Variants in ADCY7 observed in about 807,000 individuals in gnomAD.
ADCY7 encodes adenylate cyclase type 7.
In ADCY7, 72 loss-of-function variants were observed where a neutral mutation model predicts 120.6. The observed-to-expected ratio is 0.60, with a 90% CI of 0.49 to 0.73. The LOEUF is 0.73. Ranked by LOEUF, ADCY7 falls within the 30% of genes least tolerant of loss-of-function variation. The pLI, the probability that ADCY7 is intolerant of heterozygous loss-of-function variation, is 0.00. For missense variants in ADCY7, 1,227 were observed against 1,486.0 expected (o/e 0.83, Z 2.87); for synonymous variants, 661 against 628.0 (o/e 1.05, Z -0.78).
In ADCY7 at chr16:50,308,652, C is replaced by T. The variant is rs746637386; in HGVS notation, c.1936-15C>T. On this transcript the variant is annotated splice_polypyrimidine_tract_variant and intron_variant, in intron 16 of 25. Coordinates refer to ENST00000673801, the MANE Select transcript of ADCY7 (RefSeq NM_001114.5). ...GGCTGTTGGCTCTGGGTGACTTGAC[C>T]CTGTTACCCCACAGAGGTGCTGCCC... The T allele has an allele frequency of 1.1e-5, 17 of 1,604,220 alleles. No individual in the cohort carries two copies. Among genetic ancestry groups the T allele is most frequent in the Middle Eastern group, 1.8e-4 (1 of 5,434 alleles).
intron 1 of ADCY7, among the ~76,000 whole-genome samples, chr16:50,286,015 C>T (rs2034558372): frequency 6.6e-6 from 1 of 152,064 alleles, no homozygotes; most frequent in African/African-American, 2.4e-5. Context: ...ACAAAGGGGC[C>T]ACTGTGTCCC....
chr16:50,311,224 T>C (rs566304963), intron 19 of ADCY7, among the ~76,000 whole-genome samples: 1 of 152,260 alleles, frequency 6.6e-6, no homozygotes, highest in African/African-American at 2.4e-5. Flanking sequence ...TGGTGATACC[T>C]GAGGCTGGCA....
intron 1 of ADCY7, among the ~76,000 whole-genome samples, chr16:50,284,937 CA>C (rs1166825431): frequency 6.6e-6 from 1 of 152,156 alleles, no homozygotes; most frequent in Non-Finnish European, 1.5e-5. Context: ...GTTATTACTG[CA>C]AAGGGCTATT....
rs964437502 is a variant in ADCY7 at position 50,311,000 on chromosome 16, G to A, written c.2354+120G>A. On this transcript the variant is annotated intron_variant, in intron 19 of 25. Coordinates refer to ENST00000673801, the MANE Select transcript of ADCY7 (RefSeq NM_001114.5). The stretch of plus-strand genomic sequence containing the variant: ...GTGGGCACCTTGCAGGGCGGGGCTG[G>A]CAGATGGTGTCCAGCGCTCAGAGCC... The A allele has an allele frequency of 6.4e-5, 68 of 1,057,908 alleles. 1 individual carries two copies. Among genetic ancestry groups the A allele is most frequent in the Admixed American group, 8.0e-5 (3 of 37,676 alleles). 65.5% of individuals were successfully genotyped at this position (1,057,908 alleles called of 1,614,324 possible). A position where few individuals can be genotyped will look rare whatever the true frequency, so the allele number is the denominator to read the frequency against.
In ADCY7 at chr16:50,316,548, G is replaced by A. The variant is rs912963899; in HGVS notation, c.*1043G>A. 6 of 152,272 alleles carry A rather than the reference G, an allele frequency of 3.9e-5. No individual in the cohort carries two copies. The highest frequency in any genetic ancestry group is 6.5e-5 in the Admixed American group (1 of 15,274). The allele number at this position is 152,272 out of a possible 1,614,324, so 9.4% of individuals were successfully genotyped here. ...CCTTTAGTCTTCACAGCTAACTCTG[G>A]AGAGCTTCAAAACTAGAAGGATCTA... On this transcript the variant is annotated 3_prime_UTR_variant, in exon 26 of 26. Transcript: ENST00000673801.
rs2036634001 is a variant in ADCY7 at position 50,313,950 on chromosome 16, GC to G, written c.2752-6del. On this transcript the variant is annotated splice_polypyrimidine_tract_variant and splice_region_variant and intron_variant, in intron 22 of 25. Transcript: ENST00000673801. ...GCGGCTGCTTCACCGCTTCCTTCTTGCCTGCAGCTCCTACTGAAGCCCAAGT... is the reference window on the plus strand; with the variant it reads ...GCGGCTGCTTCACCGCTTCCTTCTTGCTGCAGCTCCTACTGAAGCCCAAGT... 4 of 1,608,412 alleles carry G rather than the reference GC, an allele frequency of 2.5e-6. No individual in the cohort carries two copies. The South Asian group carries it at 4.4e-5, about 18-fold the overall frequency.
rs1321664373 is a variant in ADCY7 at position 50,317,356 on chromosome 16, G to A, written c.*1851G>A. ...ACATGAATACTATACTGAAATCTGT[G>A]CTCTCAAGATCTAGCAGTGACCAGG... On this transcript the variant is annotated 3_prime_UTR_variant, in exon 26 of 26. Coordinates refer to ENST00000673801, the MANE Select transcript of ADCY7 (RefSeq NM_001114.5). 1 of 152,356 alleles carries A rather than the reference G, an allele frequency of 6.6e-6. No homozygotes were observed. Among genetic ancestry groups the A allele is most frequent in the Non-Finnish European group, 1.5e-5 (1 of 68,042 alleles). The allele number at this position is 152,356 out of a possible 1,614,324, so 9.4% of individuals were successfully genotyped here.
chr16:50,247,288 C>A (rs1596779874), intron 1 of ADCY7, among the ~76,000 whole-genome samples: 1 of 151,844 alleles, frequency 6.6e-6, no homozygotes, highest in African/African-American at 2.4e-5. Context: ...GGGGGGACCC[C>A]ACAGGAGTGG....
intron 14 of ADCY7, 133 bp downstream of exon 14, chr16:50,305,982 G>T: frequency 1.2e-6 from 1 of 856,588 alleles, no homozygotes; most frequent in Non-Finnish European, 1.9e-6. Flanking sequence ...ATCCACAGCT[G>T]CTCCTGGGCG....
chr16:50,260,311 G>C (rs1397395513), intron 1 of ADCY7, among the ~76,000 whole-genome samples: 1 of 152,214 alleles, frequency 6.6e-6, no homozygotes, highest in Non-Finnish European at 1.5e-5. Context: ...CCTGAGCAGG[G>C]AGGGTGCTGC....
rs761178487 is a variant in ADCY7 at position 50,314,779 on chromosome 16, A to C, written c.2972-235A>C. ...TTTGTTAAAAGAGAGATTAGCAGAT[A>C]CAAGTGTTAACATCAAACCCAGACT... On this transcript the variant is annotated intron_variant, in intron 24 of 25. Transcript: ENST00000673801. 1.1e-5 allele frequency: 6 copies of C among 525,660 alleles called. No homozygotes were observed. In the Admixed American group the frequency reaches 1.3e-4, roughly 12 times the overall value. 32.6% of individuals were successfully genotyped at this position (525,660 alleles called of 1,614,324 possible). A position where few individuals can be genotyped will look rare whatever the true frequency, so the allele number is the denominator to read the frequency against.
chr16:50,271,201 T>G (rs533392935), intron 1 of ADCY7, among the ~76,000 whole-genome samples: 1 of 152,328 alleles, frequency 6.6e-6, no homozygotes, highest in Non-Finnish European at 1.5e-5. Flanking sequence ...GGTGGCCTTT[T>G]TCCTTGGAAT....
At chr16:50,313,741 A>G in intron 22 of ADCY7, 2 of 558,894 alleles carry the variant, frequency 3.6e-6, no homozygotes, top group Non-Finnish European at 3.2e-6. Flanking sequence ...GAAGAGGGAG[A>G]CAGTGTGGGG....
At chr16:50,269,649 C>T (rs552253271) in intron 1 of ADCY7, among the ~76,000 whole-genome samples, 2 of 152,278 alleles carry the variant, frequency 1.3e-5, no homozygotes, top group South Asian at 4.1e-4. Context: ...GCCTGACCCT[C>T]AGCACCGCTC....
At chr16:50,285,319 C>T (rs1454351391) in intron 1 of ADCY7, among the ~76,000 whole-genome samples, 2 of 152,058 alleles carry the variant, frequency 1.3e-5, no homozygotes, top group Non-Finnish European at 2.9e-5. Flanking sequence ...AGCAAATGAC[C>T]CCTTCCTCCT....
At chr16:50,252,075 C>T (rs1022105088) in intron 1 of ADCY7, among the ~76,000 whole-genome samples, 4 of 152,052 alleles carry the variant, frequency 2.6e-5, no homozygotes, top group African/African-American at 4.8e-5. Context: ...AGAAGGGGTG[C>T]GGGGTGGCTC....
intron 1 of ADCY7, among the ~76,000 whole-genome samples, chr16:50,259,567 C>T (rs183633365): frequency 1.1e-4 from 17 of 152,340 alleles, no homozygotes; most frequent in Admixed American, 5.9e-4. Flanking sequence ...TGGCAGAGAT[C>T]GGGGCCCTGG....
chr16:50,263,350 G>A (rs1378562870), upstream of ADCY7, among the ~76,000 whole-genome samples: 3 of 152,126 alleles, frequency 2.0e-5, no homozygotes, highest in Non-Finnish European at 4.4e-5. Context: ...CGGCTGCGGG[G>A]AGCAGCTGGT....
At chr16:50,290,781 G>A in intron 3 of ADCY7, 121 bp downstream of exon 3, 1 of 1,130,382 alleles carries the variant, frequency 8.8e-7, no homozygotes, top group Non-Finnish European at 1.2e-6. Flanking sequence ...GATGGCCCCA[G>A]GCTGGTTTTG....
Sources: gnomAD v4.1 joint callset for allele counts (sites outside exome capture counted in the v4.1 genomes callset) on GRCh38, gnomAD v4.1.1 for gene constraint, MANE v1.5 for transcripts, NCBI Gene and HGNC (gene_info 2026-07-23, HGNC 2026-07-21) for gene names.